The following TBC1D7 variants were observed in gnomAD, a reference collection of about 807,000 sequenced individuals.
The protein encoded by TBC1D7 is TBC domain family 7.
Under a neutral mutation model 35.3 loss-of-function variants are expected in TBC1D7, and 33 were observed. The observed-to-expected ratio is 0.93, with a 90% CI of 0.71 to 1.25. TBC1D7 has a LOEUF of 1.25. Among genes scored for constraint, TBC1D7 ranks in the 50% most tolerant of loss-of-function variants. TBC1D7 has a pLI of 0.00. For missense variants in TBC1D7, 362 were observed against 365.3 expected, an observed-to-expected ratio of 0.99 and a Z score of 0.07; for synonymous variants, 135 against 129.5, an observed-to-expected ratio of 1.04 and a Z score of -0.29.
chr6:13,305,251 T>C lies in TBC1D7; in HGVS notation c.796-64A>G, dbSNP rs186145905. 8.1e-6 allele frequency: 12 copies of C among 1,473,780 alleles called. No individual in the cohort carries two copies. The Admixed American group carries it at 2.0e-4, about 25-fold the overall frequency. 91.3% of individuals were successfully genotyped at this position (1,473,780 alleles called of 1,614,324 possible). A position where few individuals can be genotyped will look rare whatever the true frequency, so the allele number is the denominator to read the frequency against. ...TTGACAACTTCAGTGTCTTCCCTCA[T>C]TCGCTGTGGCATGAAATCCACTTCC... On this transcript the variant is annotated intron_variant, in intron 7 of 7. Coordinates refer to ENST00000379300, the MANE Select transcript of TBC1D7 (RefSeq NM_016495.6).
intron 5 of TBC1D7, among the ~76,000 whole-genome samples, chr6:13,311,170 TA>T (rs1783183863): frequency 6.6e-6 from 1 of 152,192 alleles, no homozygotes; most frequent in Non-Finnish European, 1.5e-5. Flanking sequence ...AGCAGAGCTT[TA>T]AAAAACTGTG....
At chr6:13,317,615 A>G (rs1049669556) in intron 4 of TBC1D7, among the ~76,000 whole-genome samples, 1 of 152,254 alleles carries the variant, frequency 6.6e-6, no homozygotes, top group Non-Finnish European at 1.5e-5. Context: ...TTCTCAAAAC[A>G]TTTTATTAAT....
At chr6:13,315,096 C>T (rs141609532) in intron 5 of TBC1D7, among the ~76,000 whole-genome samples, 78 of 152,232 alleles carry the variant, frequency 5.1e-4, no homozygotes, top group African/African-American at 1.7e-3. Context: ...CCTTTCCCAG[C>T]CTCTACTGCA....
At chr6:13,316,407 T>C (rs1783618151) in intron 5 of TBC1D7, among the ~76,000 whole-genome samples, 164 bp downstream of exon 5, 1 of 152,144 alleles carries the variant, frequency 6.6e-6, no homozygotes, top group Non-Finnish European at 1.5e-5. Flanking sequence ...CCCACCAAGC[T>C]GGAAATATTT....
Position 13,321,211 on chromosome 6 carries a change from C to T in TBC1D7, c.194-116G>A, listed in dbSNP as rs191657592. On this transcript the variant is annotated intron_variant, in intron 3 of 7. Coordinates refer to ENST00000379300, the MANE Select transcript of TBC1D7 (RefSeq NM_016495.6). ...ACCCACACAATTAGGCTAGAATTCA[C>T]GCAGACATTCAAGTACCATGTAGAA... The T allele has an allele frequency of 5.1e-6, 4 of 787,584 alleles. No individual in the cohort carries two copies. The African/African-American group carries it at 5.2e-5, about 10-fold the overall frequency. The allele number at this position is 787,584 out of a possible 1,614,324, so 48.8% of individuals were successfully genotyped here.
At chr6:13,307,434 C>G in intron 6 of TBC1D7, 166 bp downstream of exon 6, 1 of 686,032 alleles carries the variant, frequency 1.5e-6, no homozygotes, top group South Asian at 2.0e-5. Flanking sequence ...ATTGTATATT[C>G]AAGAATAAGC....
Position 13,306,397 on chromosome 6 carries a change from C to T in TBC1D7, c.795+1G>A, listed in dbSNP as rs571157720. 6.3e-7 allele frequency: 1 copy of T among 1,581,758 alleles called. No individual in the cohort carries two copies. Among genetic ancestry groups the T allele is most frequent in the South Asian group, 1.2e-5 (1 of 83,766 alleles). On this transcript the variant is annotated splice_donor_variant, in intron 7 of 7. Coordinates refer to ENST00000379300, the MANE Select transcript of TBC1D7 (RefSeq NM_016495.6). LOFTEE classifies it high-confidence loss of function. ...TCAAAATCAAATCAAAGCACACTTA[C>T]ATTTTCCAGAAACTTTGTTATCTTC...
At chr6:13,325,207 T>C (rs751352806) in intron 2 of TBC1D7, 33 bp from the exon 3 acceptor site, 28 of 1,486,606 alleles carry the variant, frequency 1.9e-5, no homozygotes, top group Non-Finnish European at 2.1e-5. Context: ...GTTAGAAGCT[T>C]TTCATGCTGA....
chr6:13,324,853 T>A (rs967136823), intron 3 of TBC1D7, among the ~76,000 whole-genome samples: 11 of 152,238 alleles, frequency 7.2e-5, no homozygotes, highest in Non-Finnish European at 2.9e-5. Context: ...CCTAAACCAA[T>A]TCTCATTTCT....
chr6:13,312,300 C>T (rs1220684140), intron 5 of TBC1D7, among the ~76,000 whole-genome samples: 3 of 152,004 alleles, frequency 2.0e-5, no homozygotes, highest in Non-Finnish European at 1.5e-5. Context: ...TGCAGGTAAG[C>T]GTAAGAGTGA....
In TBC1D7 at chr6:13,316,580, C is replaced by T. The variant is rs759923261; in HGVS notation, c.510G>A (p.Leu170=). ...NQLNTKYRDS[L]PQLPKAFEQY... is the part of the protein sequence containing the mutation. ...AAAAAAAAGCCCTCACCAACTGGGG[C>T]AAGGAATCCCGGTACTTGGTATTTA... The change falls in exon 5 of 8, where the codon TTG becomes TTA. Residue 170 remains leucine, a synonymous_variant. Coordinates refer to ENST00000379300, the MANE Select transcript of TBC1D7 (RefSeq NM_016495.6). 4 of 1,605,238 alleles carry T rather than the reference C, an allele frequency of 2.5e-6. No homozygotes were observed. In the South Asian group the frequency reaches 4.5e-5, roughly 18 times the overall value.
intron 6 of TBC1D7, 197 bp from the exon 7 acceptor site, chr6:13,306,724 C>T (rs1782833068): frequency 5.6e-6 from 2 of 357,406 alleles, no homozygotes; most frequent in African/African-American, 2.1e-5. Context: ...ACAATCAGCA[C>T]TAGAAGGAGA....
rs753746206 is a variant in TBC1D7, at chr6:13,316,636, AAC to A, written c.452_453del (p.Cys151LeufsTer27). ...MEEMVEDSVD[C>X]YWITRRFVNQ... ...TTCACAAAGCGTCGGGTGATCCAGT[AAC>A]AGTCGACACTATCTTCCACCATTTC... On this transcript the variant is annotated frameshift_variant, in exon 5 of 8. Transcript: ENST00000379300. LOFTEE classifies it high-confidence loss of function. 6.2e-6 allele frequency: 10 copies of A among 1,613,992 alleles called. No individual in the cohort carries two copies. Among genetic ancestry groups the A allele is most frequent in the Non-Finnish European group, 2.5e-6 (3 of 1,180,034 alleles).
chr6:13,307,523 T>C, intron 6 of TBC1D7, 77 bp downstream of exon 6: 2 of 1,472,700 alleles, frequency 1.4e-6, no homozygotes, highest in Non-Finnish European at 1.9e-6. Flanking sequence ...ATTTATAATC[T>C]GAGGGATGAC....
chr6:13,323,422 G>A (rs1784186904), intron 3 of TBC1D7, among the ~76,000 whole-genome samples: 1 of 152,114 alleles, frequency 6.6e-6, no homozygotes, highest in Non-Finnish European at 1.5e-5. Flanking sequence ...CAGATAGGCT[G>A]TAGCACTCAA....
intron 2 of TBC1D7, 69 bp downstream of exon 2, chr6:13,326,718 A>T: frequency 9.8e-7 from 1 of 1,015,466 alleles, no homozygotes; most frequent in Non-Finnish European, 1.5e-6. Context: ...ATGTCTTTTA[A>T]GAAAATATTT....
At chr6:13,316,854 C>CTTCAGGGAGGGACT in intron 4 of TBC1D7, 146 bp from the exon 5 acceptor site, 1 of 938,590 alleles carries the variant, frequency 1.1e-6, no homozygotes, top group Non-Finnish European at 1.6e-6. Context: ...CAGAGTCCCT[C>CTTCAGGGAGGGACT]CCTGAAGAGG....
chr6:13,310,774 T>C (rs907337317), intron 5 of TBC1D7, among the ~76,000 whole-genome samples: 3 of 151,872 alleles, frequency 2.0e-5, no homozygotes, highest in African/African-American at 7.3e-5. Flanking sequence ...AAGAGCAAGA[T>C]GGGAAGAATG....
chr6:13,324,246 G>T (rs899679592), intron 3 of TBC1D7, among the ~76,000 whole-genome samples: 3 of 151,976 alleles, frequency 2.0e-5, no homozygotes, highest in African/African-American at 7.3e-5. Context: ...TCCTTCCTCA[G>T]CCTTCCAGGT....
Sources: gnomAD v4.1 joint callset for allele counts (sites outside exome capture counted in the v4.1 genomes callset) on GRCh38, gnomAD v4.1.1 for gene constraint, MANE v1.5 for transcripts, NCBI Gene and HGNC (gene_info 2026-07-23, HGNC 2026-07-21) for gene names.